Variants in AUTS2 observed in about 807,000 individuals in gnomAD.
AUTS2 encodes activator of transcription and developmental regulator AUTS2.
AUTS2 carries 17 observed loss-of-function variants against 112.4 expected under a neutral mutation model. The observed-to-expected ratio is 0.15, with a 90% CI of 0.10 to 0.23. AUTS2 has a LOEUF of 0.23. AUTS2 is among the 10% of genes least tolerant of loss of function. The pLI, the probability that AUTS2 is intolerant of heterozygous loss-of-function variation, is 1.00. For missense variants in AUTS2, 1,510 were observed against 1,701.6 expected (o/e 0.89, Z 1.98); for synonymous variants, 751 against 702.7 (o/e 1.07, Z -1.09).
intron 4 of AUTS2, among the ~76,000 whole-genome samples, chr7:70,435,487 TG>T (rs1795854145): frequency 6.6e-6 from 1 of 152,216 alleles, no homozygotes; most frequent in South Asian, 2.1e-4. Context: ...AGCACCTTGC[TG>T]GACTGACCTG....
intron 4 of AUTS2, chr7:70,292,102 C>T (rs1043446311): frequency 6.6e-6 from 1 of 152,104 alleles, no homozygotes; most frequent in African/African-American, 2.4e-5. Flanking sequence ...TTGGATATCC[C>T]CCAGTTAATC....
chr7:69,695,313 A>C (rs1484248100), intron 1 of AUTS2, among the ~76,000 whole-genome samples: 3 of 152,186 alleles, frequency 2.0e-5, no homozygotes, highest in African/African-American at 7.2e-5. Context: ...TGAGCAACAG[A>C]TCAAGACTCT....
intron 6 of AUTS2, among the ~76,000 whole-genome samples, chr7:70,723,966 C>T (rs949243905): frequency 2.6e-4 from 40 of 152,078 alleles, no homozygotes; most frequent in African/African-American, 9.7e-4. Context: ...GATCACCACT[C>T]ACTGCAAGCT....
At chr7:70,041,141 A>C (rs1158446859) in intron 2 of AUTS2, among the ~76,000 whole-genome samples, 1 of 152,226 alleles carries the variant, frequency 6.6e-6, no homozygotes, top group Non-Finnish European at 1.5e-5. Context: ...ATTTTCAGGC[A>C]AAAGAAAAAC....
chr7:70,214,890 A>G (rs915500255), intron 4 of AUTS2, among the ~76,000 whole-genome samples: 6 of 152,208 alleles, frequency 3.9e-5, no homozygotes, highest in Non-Finnish European at 8.8e-5. Context: ...TTATTTTTTG[A>G]ATCATAGTCT....
chr7:70,719,792 A>T (rs1005119349), intron 6 of AUTS2, among the ~76,000 whole-genome samples: 4 of 152,146 alleles, frequency 2.6e-5, no homozygotes, highest in Admixed American at 6.5e-5. Context: ...AAAGAAATGG[A>T]AAAGTCTAGA....
chr7:69,939,945 CTCA>C (rs1796559077), intron 2 of AUTS2, among the ~76,000 whole-genome samples: 1 of 152,208 alleles, frequency 6.6e-6, no homozygotes, highest in African/African-American at 2.4e-5. Context: ...AGATATTCCA[CTCA>C]TCATAACAAC....
intron 5 of AUTS2, among the ~76,000 whole-genome samples, chr7:70,556,366 C>T (rs1801250714): frequency 6.6e-6 from 1 of 152,194 alleles, no homozygotes; most frequent in African/African-American, 2.4e-5. Flanking sequence ...AATACCCAAA[C>T]TATATCACTC....
At chr7:69,950,464 T>C (rs1796980651) in intron 2 of AUTS2, among the ~76,000 whole-genome samples, 1 of 152,174 alleles carries the variant, frequency 6.6e-6, no homozygotes, top group African/African-American at 2.4e-5. Context: ...AATGGAAAAG[T>C]TATGCACTGG....
chr7:70,406,336 G>A (rs537221527), intron 4 of AUTS2, among the ~76,000 whole-genome samples: 4 of 152,114 alleles, frequency 2.6e-5, no homozygotes, highest in Non-Finnish European at 5.9e-5. Context: ...CTGAAAACCC[G>A]GTTGGAGCTG....
intron 2 of AUTS2, among the ~76,000 whole-genome samples, chr7:69,900,020 A>G (rs1794908730): frequency 6.6e-6 from 1 of 152,206 alleles, no homozygotes; most frequent in African/African-American, 2.4e-5. Flanking sequence ...GTTGTTCTCC[A>G]TAGGCTATAA....
intron 2 of AUTS2, among the ~76,000 whole-genome samples, chr7:69,971,417 A>G (rs1797846069): frequency 6.6e-6 from 1 of 152,218 alleles, no homozygotes; most frequent in South Asian, 2.1e-4. Flanking sequence ...ATAATAGTAC[A>G]ATATGCAGTT....
chr7:70,483,025 G>C (rs1183625833), intron 5 of AUTS2, among the ~76,000 whole-genome samples: 2 of 152,074 alleles, frequency 1.3e-5, no homozygotes, highest in African/African-American at 4.8e-5. Context: ...AATCTGCATG[G>C]CCCCTTCTTT....
At chr7:70,259,858 G>A (rs1279192863) in intron 4 of AUTS2, among the ~76,000 whole-genome samples, 2 of 152,180 alleles carry the variant, frequency 1.3e-5, no homozygotes, top group African/African-American at 2.4e-5. Context: ...GAGCCAAAAA[G>A]TTTGAGTGAA....
chr7:70,548,436 T>C (rs1057440343), intron 5 of AUTS2, among the ~76,000 whole-genome samples: 3 of 151,992 alleles, frequency 2.0e-5, no homozygotes, highest in African/African-American at 7.3e-5. Flanking sequence ...GTCCAGTTTA[T>C]CAGTTTTTTT....
intron 5 of AUTS2, among the ~76,000 whole-genome samples, chr7:70,454,632 C>T (rs1340542460): frequency 1.3e-5 from 2 of 152,196 alleles, no homozygotes; most frequent in Non-Finnish European, 2.9e-5. Context: ...CGGTGACTCA[C>T]ACCTGTAATC....
At chr7:70,448,066 G>A (rs914173305) in intron 5 of AUTS2, among the ~76,000 whole-genome samples, 3 of 152,178 alleles carry the variant, frequency 2.0e-5, no homozygotes, top group Admixed American at 1.3e-4. Context: ...CTGCCATATA[G>A]AATAAAATGA....
chr7:69,667,879 T>C (rs928553480), intron 1 of AUTS2, among the ~76,000 whole-genome samples: 1 of 152,148 alleles, frequency 6.6e-6, no homozygotes, highest in Non-Finnish European at 1.5e-5. Flanking sequence ...CCTCTACCTC[T>C]CCATAAAACA....
In AUTS2 at chr7:70,510,299, C is replaced by A. The variant is rs546164071; in HGVS notation, c.690+74518C>A. 1.6e-4 allele frequency among the ~76,000 whole-genome samples: 25 copies of A among 152,364 alleles called. 1 individual carries two copies. Among genetic ancestry groups the A allele is most frequent in the African/African-American group, 5.8e-4 (24 of 41,594 alleles). On this transcript the variant is annotated intron_variant, in intron 5 of 18. Coordinates refer to ENST00000342771, the MANE Select transcript of AUTS2 (RefSeq NM_015570.4). ...CACTACAATTCTTTACTTAAGCTCT[C>A]TTAAACTTTATCTTTCTCATTCCAT... is the stretch of plus-strand genomic sequence containing the variant.
Sources: allele counts gnomAD v4.1 joint callset (sites outside exome capture counted in the v4.1 genomes callset), GRCh38; gene constraint gnomAD v4.1.1; transcripts MANE v1.5; gene names NCBI Gene and HGNC (gene_info 2026-07-23, HGNC 2026-07-21).